The following ME1 variants were observed in gnomAD, a reference collection of about 807,000 sequenced individuals.
ME1 encodes NADP-dependent malic enzyme.
A neutral mutation model predicts 66.4 loss-of-function variants in ME1; 74 were observed. That is an observed-to-expected ratio of 1.11 (90% CI 0.92 to 1.35). ME1 has a LOEUF of 1.35. Among genes scored for constraint, ME1 ranks in the 40% most tolerant of loss-of-function variants. The probability of loss-of-function intolerance (pLI) is 0.00; values close to 1 mark genes in which losing one functional copy is unlikely to be tolerated. For missense variants in ME1, 750 were observed against 694.1 expected (o/e 1.08, Z -0.90); for synonymous variants, 251 against 235.6 (o/e 1.07, Z -0.60).
intron 7 of ME1, among the ~76,000 whole-genome samples, chr6:83,243,994 C>T (rs1790568398): frequency 1.3e-5 from 2 of 150,232 alleles, no homozygotes; most frequent in Admixed American, 6.7e-5. Context: ...AAACTTGAGG[C>T]TCATTTTCTG....
Position 83,245,834 on chromosome 6 carries a change from T to C in ME1, c.815-6198A>G, listed in dbSNP as rs544773292. Among the ~76,000 whole-genome samples the C allele has an allele frequency of 5.9e-5, 9 of 152,298 alleles. No individual in the cohort carries two copies. In the East Asian group the frequency reaches 1.7e-3, roughly 29 times the overall value. On this transcript the variant is annotated intron_variant, in intron 7 of 13. Transcript: ENST00000369705. Reference sequence around the variant, plus strand: ...AAGTATTTGACAAAACACATTTTAATACAATAAGATAGTCTAAATTTTTTT... The same window carrying C: ...AAGTATTTGACAAAACACATTTTAACACAATAAGATAGTCTAAATTTTTTT...
At chr6:83,353,357 T>C (rs1395354046) in intron 3 of ME1, among the ~76,000 whole-genome samples, 6 of 152,218 alleles carry the variant, frequency 3.9e-5, no homozygotes, top group Admixed American at 3.9e-4. Flanking sequence ...AAAATGGTGA[T>C]ATTCCAATTG....
intron 7 of ME1, among the ~76,000 whole-genome samples, chr6:83,248,350 C>G (rs1790660257): frequency 6.6e-6 from 1 of 152,150 alleles, no homozygotes; most frequent in Admixed American, 6.6e-5. Context: ...CAACAGTTTA[C>G]TGGTGGCTGT....
At chr6:83,268,383 A>T (rs1260100822) in intron 6 of ME1, among the ~76,000 whole-genome samples, 2 of 152,174 alleles carry the variant, frequency 1.3e-5, no homozygotes, top group African/African-American at 4.8e-5. Flanking sequence ...TTTACATACA[A>T]TAAAAGTACT....
chr6:83,246,113 T>C (rs887663970), intron 7 of ME1, among the ~76,000 whole-genome samples: 2 of 152,178 alleles, frequency 1.3e-5, no homozygotes, highest in African/African-American at 4.8e-5. Flanking sequence ...TATGAGATGA[T>C]GGCAAATTCC....
intron 6 of ME1, among the ~76,000 whole-genome samples, chr6:83,281,215 T>G (rs1359787172): frequency 2.0e-5 from 3 of 152,196 alleles, no homozygotes; most frequent in African/African-American, 7.2e-5. Flanking sequence ...ATGGTAAAAT[T>G]TCATGGATGT....
chr6:83,350,052 G>T (rs1452456069), intron 4 of ME1, among the ~76,000 whole-genome samples: 1 of 152,012 alleles, frequency 6.6e-6, no homozygotes, highest in African/African-American at 2.4e-5. Flanking sequence ...AATAAATAAG[G>T]CACCTATAAT....
chr6:83,275,323 G>C (rs1767156575), intron 6 of ME1, among the ~76,000 whole-genome samples: 1 of 147,120 alleles, frequency 6.8e-6, no homozygotes, highest in African/African-American at 2.6e-5. Flanking sequence ...GACAGAGTGA[G>C]ACTCAGTCTC....
At chr6:83,420,991 G>A (rs925061532) in intron 1 of ME1, among the ~76,000 whole-genome samples, 1 of 151,932 alleles carries the variant, frequency 6.6e-6, no homozygotes, top group African/African-American at 2.4e-5. Context: ...GAAGGGGAAA[G>A]AAAGAAAGAA....
chr6:83,399,409 T>G (rs1769802260), intron 2 of ME1, among the ~76,000 whole-genome samples: 1 of 152,230 alleles, frequency 6.6e-6, no homozygotes, highest in Non-Finnish European at 1.5e-5. Context: ...TTGAAGAGAC[T>G]TTATCCCTAT....
chr6:83,258,695 A>AT (rs1562461919), intron 6 of ME1, among the ~76,000 whole-genome samples: 1 of 152,188 alleles, frequency 6.6e-6, no homozygotes, highest in African/African-American at 2.4e-5. Context: ...GATTATCTCA[A>AT]TTCTGTCAGC....
chr6:83,428,273 G>T lies in ME1; in HGVS notation c.78+2604C>A, dbSNP rs568653681. On this transcript the variant is annotated intron_variant, in intron 1 of 13. Transcript: ENST00000369705. ...GAATAAGATAAATTTGGAGAAGACT[G>T]TAAACCCAATTGACAGACTGATTTT... 2.0e-5 allele frequency among the ~76,000 whole-genome samples: 3 copies of T among 152,162 alleles called. No homozygotes were observed. The East Asian group carries it at 5.8e-4, about 29-fold the overall frequency.
At chr6:83,310,418 G>C (rs369549907) in intron 6 of ME1, among the ~76,000 whole-genome samples, 1 of 152,150 alleles carries the variant, frequency 6.6e-6, no homozygotes, top group Non-Finnish European at 1.5e-5. Flanking sequence ...TTCTTCCACA[G>C]AGTTTAATCT....
chr6:83,425,225 G>A (rs1056965250), intron 1 of ME1, among the ~76,000 whole-genome samples: 1 of 151,774 alleles, frequency 6.6e-6, no homozygotes, highest in African/African-American at 2.4e-5. Context: ...TGAACTCCTG[G>A]GCTCAAGTGA....
intron 5 of ME1, among the ~76,000 whole-genome samples, chr6:83,331,141 T>C (rs374050125): frequency 2.0e-5 from 3 of 152,220 alleles, no homozygotes; most frequent in South Asian, 4.1e-4. Context: ...TCATGTGCTA[T>C]GGGTTGAAAG....
intron 3 of ME1, among the ~76,000 whole-genome samples, chr6:83,363,700 T>C (rs1769047640): frequency 6.6e-6 from 1 of 152,238 alleles, no homozygotes; most frequent in Non-Finnish European, 1.5e-5. Flanking sequence ...ACTGTAATTG[T>C]CATGGGTATT....
chr6:83,368,378 C>CA (rs35760197), intron 3 of ME1, among the ~76,000 whole-genome samples: 38,213 of 149,024 alleles, frequency 0.26, 5,504 homozygotes, highest in Middle Eastern at 0.46. Flanking sequence ...TTATAAAAAA[C>CA]AAAAAAAAAT....
At chr6:83,353,878 G>A (rs987114321) in intron 3 of ME1, among the ~76,000 whole-genome samples, 1 of 152,126 alleles carries the variant, frequency 6.6e-6, no homozygotes, top group Non-Finnish European at 1.5e-5. Context: ...GCAAAGGTCA[G>A]CTCTCAACTC....
intron 3 of ME1, among the ~76,000 whole-genome samples, chr6:83,369,950 TA>T (rs1769166104): frequency 6.6e-6 from 1 of 152,134 alleles, no homozygotes; most frequent in African/African-American, 2.4e-5. Context: ...GACAACCCTT[TA>T]GGGGTTCCTT....
Sources: gnomAD v4.1 joint callset for allele counts (sites outside exome capture counted in the v4.1 genomes callset) on GRCh38, gnomAD v4.1.1 for gene constraint, MANE v1.5 for transcripts, NCBI Gene and HGNC (gene_info 2026-07-23, HGNC 2026-07-21) for gene names.